The following DNAH6 variants were observed in gnomAD, a reference collection of about 807,000 sequenced individuals.
The protein encoded by DNAH6 is axonemal beta dynein heavy chain 6.
A neutral mutation model predicts 491.4 loss-of-function variants in DNAH6; 340 were observed. The observed-to-expected ratio is 0.69, with a 90% CI of 0.63 to 0.76. DNAH6 has a LOEUF of 0.76. DNAH6 is among the 30% of genes least tolerant of loss of function. DNAH6 has a pLI of 0.00. For missense variants in DNAH6, 4,443 were observed against 4,972.2 expected (o/e 0.89, Z 3.20); for synonymous variants, 1,603 against 1,686.1 (o/e 0.95, Z 1.21).
At chr2:84,735,635 G>C (rs1298589012) in intron 62 of DNAH6, among the ~76,000 whole-genome samples, 1 of 152,084 alleles carries the variant, frequency 6.6e-6, no homozygotes, top group African/African-American at 2.4e-5. Flanking sequence ...GCATTTCTCT[G>C]ATGATTAGTC....
In DNAH6 at chr2:84,814,069, A is replaced by G. The variant is rs1680259586; in HGVS notation, c.12097A>G (p.Ile4033Val). The G allele has an allele frequency of 6.4e-7, 1 of 1,551,772 alleles. No individual in the cohort carries two copies. The highest frequency in any genetic ancestry group is 8.7e-7 in the Non-Finnish European group (1 of 1,147,002). The change falls in exon 75 of 77, where the codon ATA becomes GTA. Residue 4033 changes from isoleucine to valine, a missense_variant. Coordinates refer to ENST00000389394, the MANE Select transcript of DNAH6 (RefSeq NM_001370.2). ...IPTYRDQAAV[I>V]EAAKTVQFGQ... ...CACCTATCGGGATCAAGCTGCAGTG[A>G]TAGAAGCTGCCAAGACAGTGCAATT... is the stretch of plus-strand genomic sequence containing the variant.
At chr2:84,572,573 T>G (rs570946839) in intron 11 of DNAH6, among the ~76,000 whole-genome samples, 19 of 152,306 alleles carry the variant, frequency 1.2e-4, no homozygotes, top group Non-Finnish European at 2.2e-4. Context: ...CCTATTAAAA[T>G]AAATGAACAA....
At chr2:84,799,557 A>T (rs1346173470) in intron 70 of DNAH6, among the ~76,000 whole-genome samples, 2 of 152,188 alleles carry the variant, frequency 1.3e-5, no homozygotes, top group Non-Finnish European at 2.9e-5. Context: ...AGTGCCACTA[A>T]CCTGTCCAGG....
At chr2:84,776,906 A>G (rs193150727) in intron 64 of DNAH6, among the ~76,000 whole-genome samples, 154 of 152,368 alleles carry the variant, frequency 1.0e-3, no homozygotes, top group Non-Finnish European at 1.9e-3. Context: ...GTGGAATACT[A>G]TGCAGCCATG....
intron 23 of DNAH6, among the ~76,000 whole-genome samples, chr2:84,617,205 AT>A (rs11370160): frequency 6.6e-6 from 1 of 151,738 alleles, no homozygotes; most frequent in East Asian, 1.9e-4. Flanking sequence ...TGCTGAAACA[AT>A]TTTTTTTATT....
chr2:84,769,321 A>G (rs780739507), intron 64 of DNAH6, among the ~76,000 whole-genome samples: 3 of 152,048 alleles, frequency 2.0e-5, no homozygotes, highest in Admixed American at 6.6e-5. Context: ...CCGTCCACCC[A>G]CTCCCCTCAG....
chr2:84,634,049 A>G (rs557319230), intron 29 of DNAH6, among the ~76,000 whole-genome samples: 1 of 152,182 alleles, frequency 6.6e-6, no homozygotes, highest in Admixed American at 6.5e-5. Context: ...AGAAATTAAG[A>G]ATCACTACTA....
intron 4 of DNAH6, among the ~76,000 whole-genome samples, chr2:84,529,661 A>C (rs1676970169): frequency 6.6e-6 from 1 of 152,190 alleles, no homozygotes; most frequent in Admixed American, 6.5e-5. Flanking sequence ...ATATAATTGG[A>C]AGTCACATAA....
chr2:84,715,606 G>A lies in DNAH6; in HGVS notation c.9590G>A (p.Gly3197Asp). 2 of 1,551,554 alleles carry A rather than the reference G, an allele frequency of 1.3e-6. No individual in the cohort carries two copies. The highest frequency in any genetic ancestry group is 2.4e-5 in the South Asian group (2 of 84,042). The change falls in exon 58 of 77, where the codon GGC becomes GAC. Residue 3197 changes from glycine to aspartate, a missense_variant. Transcript: ENST00000389394. ...ATCAATTTCACTGTAACAAAATCAG[G>A]CCTGGAGGATCAGTTGTTAAGGTAA... ...TIINFTVTKS[G>D]LEDQLLSDVV...
At chr2:84,796,058 G>A (rs1678315063) in intron 68 of DNAH6, among the ~76,000 whole-genome samples, 1 of 152,106 alleles carries the variant, frequency 6.6e-6, no homozygotes, top group African/African-American at 2.4e-5. Flanking sequence ...AGAGCTCAGT[G>A]GCTTTAGTCT....
rs542359596 is a variant in DNAH6 at position 84,817,816 on chromosome 2, G to C, written c.12374-1489G>C. The stretch of plus-strand genomic sequence containing the variant: ...TAGAGGTCCCATGGCAAGAGAGGAA[G>C]TAGGCAAGATGGGAGGGAGGCGCCA... On this transcript the variant is annotated intron_variant, in intron 76 of 76. Coordinates refer to ENST00000389394, the MANE Select transcript of DNAH6 (RefSeq NM_001370.2). Among the ~76,000 whole-genome samples the C allele has an allele frequency of 1.2e-3, 190 of 152,282 alleles. 2 individuals are homozygous for C. The highest frequency in any genetic ancestry group is 4.5e-3 in the African/African-American group (185 of 41,530).
chr2:84,809,965 G>A lies in DNAH6; in HGVS notation c.11739+1423G>A, dbSNP rs72926805. On this transcript the variant is annotated intron_variant, in intron 72 of 76. Transcript: ENST00000389394. Reference sequence around the variant, plus strand: ...AGGGTGGCTGGGAAAGGAGTCTCTCGATGGGGTGCTATGTGCCCAGCTAAC... The same window carrying A: ...AGGGTGGCTGGGAAAGGAGTCTCTCAATGGGGTGCTATGTGCCCAGCTAAC... 2.5e-3 allele frequency among the ~76,000 whole-genome samples: 384 copies of A among 152,290 alleles called. 1 individual carries two copies. Among genetic ancestry groups the A allele is most frequent in the Middle Eastern group, 0.014 (4 of 294 alleles).
At chr2:84,708,652 A>G (rs1460177783) in intron 54 of DNAH6, among the ~76,000 whole-genome samples, 3 of 151,960 alleles carry the variant, frequency 2.0e-5, no homozygotes, top group African/African-American at 7.3e-5. Flanking sequence ...GAAAGAGAGA[A>G]AGAAAGAAAG....
At chr2:84,791,219 C>T (rs1411978572) in intron 68 of DNAH6, among the ~76,000 whole-genome samples, 1 of 146,656 alleles carries the variant, frequency 6.8e-6, no homozygotes, top group Non-Finnish European at 1.5e-5. Context: ...AAAAAAAAAA[C>T]ACACACAAAA....
chr2:84,548,415 G>T lies in DNAH6; in HGVS notation c.1314G>T (p.Thr438=). ...AAAGGCATTATTGCATGAGGCTGAC[G>T]TGGTAAGATTATTCTCATTTTCAAG... The part of the protein sequence containing the change: ...ASKRHYCMRL[T]CFIRLNDYLI... Residue 438 remains threonine (T), a splice_region_variant and synonymous_variant, in exon 8 of 77, where the codon ACG becomes ACT. Transcript: ENST00000389394. The T allele has an allele frequency of 6.2e-7, 1 of 1,613,322 alleles. No homozygotes were observed. Among genetic ancestry groups the T allele is most frequent in the Non-Finnish European group, 8.5e-7 (1 of 1,179,838 alleles).
chr2:84,621,098 A>T, intron 24 of DNAH6, 93 bp from the exon 25 acceptor site: 2 of 1,311,472 alleles, frequency 1.5e-6, no homozygotes, highest in Non-Finnish European at 2.1e-6. Context: ...TTCAGCGTTT[A>T]TGTAGCTTAG....
At chr2:84,791,189 CA>C (rs34537336) in intron 68 of DNAH6, among the ~76,000 whole-genome samples, 22 of 114,262 alleles carry the variant, frequency 1.9e-4, no homozygotes, top group East Asian at 5.4e-4. Context: ...AACTCCATCT[CA>C]AAAAAAAAAA....
chr2:84,525,448 G>A, intron 2 of DNAH6, 117 bp from the exon 3 acceptor site: 2 of 1,035,686 alleles, frequency 1.9e-6, no homozygotes, highest in Non-Finnish European at 2.8e-6. Flanking sequence ...ATCTTTGATA[G>A]GAAATTAGTC....
chr2:84,503,360 G>A, the DNAH6 span, among the ~76,000 whole-genome samples: 15 of 152,130 alleles, frequency 9.9e-5, no homozygotes, highest in African/African-American at 7.2e-5. Flanking sequence ...TTGAAATGTT[G>A]CTGCAGTTAC....
Sources: allele counts gnomAD v4.1 joint callset (sites outside exome capture counted in the v4.1 genomes callset), GRCh38; gene constraint gnomAD v4.1.1; transcripts MANE v1.5; gene names NCBI Gene and HGNC (gene_info 2026-07-23, HGNC 2026-07-21).